SLC16A9: variants seen among roughly 807,000 people sequenced by gnomAD.
The protein encoded by SLC16A9 is monocarboxylate transporter 9.
A neutral mutation model predicts 44.3 loss-of-function variants in SLC16A9; 26 were observed. The ratio of observed to expected loss-of-function variants is 0.59; its 90% CI spans 0.43 to 0.81. The LOEUF (loss-of-function observed/expected upper bound fraction) is 0.81. Ranked by LOEUF, SLC16A9 falls within the 40% of genes least tolerant of loss-of-function variation. The pLI, the probability that SLC16A9 is intolerant of heterozygous loss-of-function variation, is 0.00. For missense variants in SLC16A9, 559 were observed against 595.8 expected (o/e 0.94, Z 0.64); for synonymous variants, 230 against 225.1 (o/e 1.02, Z -0.19).
At chr10:59,673,226 C>T (rs1043751967) in intron 2 of SLC16A9, among the ~76,000 whole-genome samples, 1 of 152,112 alleles carries the variant, frequency 6.6e-6, no homozygotes, top group Non-Finnish European at 1.5e-5. Context: ...GGTAGCTATT[C>T]GGTCTTGGGC....
intron 2 of SLC16A9, among the ~76,000 whole-genome samples, chr10:59,674,253 A>G (rs1176534108): frequency 6.6e-6 from 1 of 152,216 alleles, no homozygotes; most frequent in Non-Finnish European, 1.5e-5. Flanking sequence ...TGTAAATGAC[A>G]GAGGTAGGTT....
At chr10:59,697,441 C>G (rs532608454) in intron 1 of SLC16A9, among the ~76,000 whole-genome samples, 1 of 151,902 alleles carries the variant, frequency 6.6e-6, no homozygotes, top group East Asian at 1.9e-4. Flanking sequence ...ACCCCCAACC[C>G]TGTGCTCTCT....
chr10:59,701,813 C>G (rs1840529687), intron 1 of SLC16A9, among the ~76,000 whole-genome samples: 1 of 152,174 alleles, frequency 6.6e-6, no homozygotes, highest in African/African-American at 2.4e-5. Flanking sequence ...TAGCTGGAGG[C>G]AGCTGGAATG....
chr10:59,705,727 T>C (rs1427617194), intron 1 of SLC16A9, among the ~76,000 whole-genome samples: 3 of 152,164 alleles, frequency 2.0e-5, no homozygotes, highest in African/African-American at 7.2e-5. Context: ...CTTTTACTGA[T>C]TGAAAGAAAC....
intron 1 of SLC16A9, among the ~76,000 whole-genome samples, chr10:59,703,933 A>C (rs189817133): frequency 5.7e-4 from 87 of 152,178 alleles, no homozygotes; most frequent in Middle Eastern, 6.8e-3. Flanking sequence ...CCTGTTAGCC[A>C]GGATGGTCTC....
At chr10:59,697,660 C>T (rs964955559) in intron 1 of SLC16A9, among the ~76,000 whole-genome samples, 2 of 149,638 alleles carry the variant, frequency 1.3e-5, no homozygotes, top group Admixed American at 1.3e-4. Context: ...TATCTGCTGA[C>T]CTTCCCTCCA....
chr10:59,663,791 T>C (rs1321234128), intron 4 of SLC16A9, among the ~76,000 whole-genome samples: 2 of 152,172 alleles, frequency 1.3e-5, no homozygotes, highest in Middle Eastern at 3.4e-3. Flanking sequence ...ATGGTTTACT[T>C]TGGACTTTCA....
At position 59,652,827 on chromosome 10, in the gene SLC16A9, T is replaced by G; in HGVS notation, c.1475A>C (p.Gln492Pro). The change falls in exon 6 of 6, where the codon CAA becomes CCA. Residue 492 changes from glutamine (Q) to proline (P), a missense_variant. By Grantham distance (76) the Gln-to-Pro change is moderately conservative. Transcript: ENST00000395348. ...ALPSWDTCNKQLPKPAPTTFL... is the reference protein window; with the variant it reads ...ALPSWDTCNKPLPKPAPTTFL... ...AGTTGTTGGAGCTGGCTTGGGGAGT[T>G]GCTTGTTGCATGTATCCCAAGAGGG... The G allele has an allele frequency of 6.2e-7, 1 of 1,613,948 alleles. No homozygotes were observed. Among genetic ancestry groups the G allele is most frequent in the Non-Finnish European group, 8.5e-7 (1 of 1,179,916 alleles).
intron 3 of SLC16A9, among the ~76,000 whole-genome samples, chr10:59,666,373 A>G (rs1265706324): frequency 6.6e-6 from 1 of 152,190 alleles, no homozygotes; most frequent in Non-Finnish European, 1.5e-5. Flanking sequence ...ACAACCTTAA[A>G]TCAGCAGTTG....
chr10:59,696,398 ACT>A, intron 1 of SLC16A9, among the ~76,000 whole-genome samples: 1 of 152,098 alleles, frequency 6.6e-6, no homozygotes. Context: ...AGTTGCGTTC[ACT>A]CAGTGCTCAA....
chr10:59,703,081 C>T (rs1331842522), intron 1 of SLC16A9, among the ~76,000 whole-genome samples: 2 of 152,190 alleles, frequency 1.3e-5, no homozygotes, highest in Non-Finnish European at 2.9e-5. Context: ...TCACACTAAT[C>T]GTTCCTGAAA....
Position 59,651,760 on chromosome 10 carries a change from A to C in SLC16A9, c.*1012T>G, listed in dbSNP as rs991339333. On this transcript the variant is annotated 3_prime_UTR_variant, in exon 6 of 6. Transcript: ENST00000395348. ...TATCCCATGCAGACTTAGAGCATGC[A>C]TAGCACACACACACACACACACACA... is the stretch of plus-strand genomic sequence containing the variant. 7.8e-5 allele frequency: 7 copies of C among 89,924 alleles called. No individual in the cohort carries two copies. The highest frequency in any genetic ancestry group is 1.2e-4 in the Non-Finnish European group (5 of 41,080). 5.6% of individuals were successfully genotyped at this position (89,924 alleles called of 1,614,324 possible).
intron 4 of SLC16A9, among the ~76,000 whole-genome samples, chr10:59,654,884 A>G (rs1839314759): frequency 6.6e-6 from 1 of 152,148 alleles, no homozygotes; most frequent in Non-Finnish European, 1.5e-5. Context: ...CAATCTAGAG[A>G]TGAAGTGACC....
intron 4 of SLC16A9, among the ~76,000 whole-genome samples, chr10:59,655,577 G>A (rs941013327): frequency 1.3e-5 from 2 of 152,142 alleles, no homozygotes; most frequent in Admixed American, 6.5e-5. Flanking sequence ...TACAAAGTAT[G>A]CTGGTTTATA....
intron 1 of SLC16A9, among the ~76,000 whole-genome samples, chr10:59,699,599 A>C (rs1840476479): frequency 1.3e-5 from 2 of 152,166 alleles, no homozygotes; most frequent in South Asian, 4.1e-4. Context: ...TATTTACCTC[A>C]TCAGATTGTG....
chr10:59,694,191 G>A (rs1001888858), intron 1 of SLC16A9, among the ~76,000 whole-genome samples: 3 of 148,548 alleles, frequency 2.0e-5, no homozygotes, highest in Non-Finnish European at 4.5e-5. Flanking sequence ...CACCTGCCTC[G>A]GCCTCCCAAA....
chr10:59,698,280 C>CT (rs1023842680), intron 1 of SLC16A9, among the ~76,000 whole-genome samples: 5 of 152,038 alleles, frequency 3.3e-5, no homozygotes, highest in African/African-American at 1.2e-4. Flanking sequence ...GAGAATATGA[C>CT]TTTTTTTTCC....
chr10:59,661,360 TAGAC>T (rs1264699594), intron 4 of SLC16A9, among the ~76,000 whole-genome samples: 2 of 151,656 alleles, frequency 1.3e-5, no homozygotes, highest in South Asian at 2.1e-4. Context: ...ACACCAATAA[TAGAC>T]AGATAGTCAA....
chr10:59,681,804 GTATATGTA>G (rs371880799), intron 2 of SLC16A9, among the ~76,000 whole-genome samples: 913 of 26,924 alleles, frequency 0.034, 297 homozygotes, highest in South Asian at 0.12. Context: ...ATATGTATAT[GTATATGTA>G]TATATGATGT....
Sources: gnomAD v4.1 joint callset for allele counts (sites outside exome capture counted in the v4.1 genomes callset) on GRCh38, gnomAD v4.1.1 for gene constraint, MANE v1.5 for transcripts, NCBI Gene and HGNC (gene_info 2026-07-23, HGNC 2026-07-21) for gene names.